STK32B: variants seen among roughly 807,000 people sequenced by gnomAD.
The protein encoded by STK32B is serine/threonine kinase 32B, also known as serine/threonine-protein kinase 32B.
STK32B carries 43 observed loss-of-function variants against 52.6 expected under a neutral mutation model. The ratio of observed to expected loss-of-function variants is 0.82; its 90% CI spans 0.64 to 1.05. STK32B has a LOEUF of 1.05. Ranked by LOEUF, STK32B falls within the 50% of genes least tolerant of loss-of-function variation. The pLI is 0.00. For synonymous variants in STK32B, 238 were observed against 204.3 expected, an observed-to-expected ratio of 1.17 and a Z score of -1.41; for missense variants, 621 against 534.6, an observed-to-expected ratio of 1.16 and a Z score of -1.59.
chr4:5,335,857 T>A lies in STK32B; in HGVS notation c.434+4464T>A, dbSNP rs186011833. Among the ~76,000 whole-genome samples the A allele has an allele frequency of 1.9e-3, 287 of 152,074 alleles. 1 individual carries two copies. Among genetic ancestry groups the A allele is most frequent in the Non-Finnish European group, 3.4e-3 (234 of 68,006 alleles). ...TGATCTGAGAGACAGTTTGTTATAATTTCTATTCTTTTACATTTGCTGAGG... is the reference window on the plus strand; with the variant it reads ...TGATCTGAGAGACAGTTTGTTATAAATTCTATTCTTTTACATTTGCTGAGG... On this transcript the variant is annotated intron_variant, in intron 4 of 11. Coordinates refer to ENST00000282908, the MANE Select transcript of STK32B (RefSeq NM_018401.3).
At chr4:5,369,335 A>C (rs550892778) in intron 4 of STK32B, among the ~76,000 whole-genome samples, 1 of 151,954 alleles carries the variant, frequency 6.6e-6, no homozygotes, top group Non-Finnish European at 1.5e-5. Flanking sequence ...TACATGAGAG[A>C]GACATAAATT....
intron 3 of STK32B, among the ~76,000 whole-genome samples, chr4:5,315,145 A>T (rs939140673): frequency 2.0e-5 from 3 of 152,204 alleles, no homozygotes; most frequent in African/African-American, 7.2e-5. Flanking sequence ...TTTTAATCCA[A>T]TTAAAAAATG....
At chr4:5,109,594 G>C (rs1714284021) in intron 1 of STK32B, among the ~76,000 whole-genome samples, 1 of 152,152 alleles carries the variant, frequency 6.6e-6, no homozygotes. Flanking sequence ...TCCATGATAA[G>C]AGCCCTCAAC....
At position 5,058,942 on chromosome 4, in the gene STK32B, G is replaced by A. The variant is rs1742111485; in HGVS notation, c.52+7027G>A. Reference sequence around the variant, plus strand: ...ATTTTTGTATTTTTGGTAGAGATGGGGTTTCACCATGTTGGCCAGGCTGGT... The same window carrying A: ...ATTTTTGTATTTTTGGTAGAGATGGAGTTTCACCATGTTGGCCAGGCTGGT... On this transcript the variant is annotated intron_variant, in intron 1 of 11. Transcript: ENST00000282908. This position sits in a 1 kb window ranked among gnomAD's most constrained non-coding sequence, Gnocchi z 4.8. Among the ~76,000 whole-genome samples the A allele has an allele frequency of 6.6e-6, 1 of 151,558 alleles. No homozygotes were observed. The highest frequency in any genetic ancestry group is 1.5e-5 in the Non-Finnish European group (1 of 67,948).
chr4:5,485,623 C>T (rs1277700406), intron 11 of STK32B, among the ~76,000 whole-genome samples: 6 of 152,210 alleles, frequency 3.9e-5, no homozygotes, highest in Non-Finnish European at 8.8e-5. Flanking sequence ...TGTTCCGTTG[C>T]TGGTGAGGAG....
At chr4:5,028,888 G>C in the STK32B span, among the ~76,000 whole-genome samples, 12 of 152,218 alleles carry the variant, frequency 7.9e-5, no homozygotes, top group Admixed American at 1.3e-4. Flanking sequence ...CAGGAAGCAT[G>C]ATGCTGCCAT....
chr4:5,032,386 T>C, the STK32B span, among the ~76,000 whole-genome samples: 3 of 147,816 alleles, frequency 2.0e-5, no homozygotes, highest in African/African-American at 7.5e-5. Flanking sequence ...GGTGGGAGAA[T>C]TGCTTCAACC....
chr4:5,220,591 T>C (rs752279333), intron 3 of STK32B, among the ~76,000 whole-genome samples: 6 of 152,132 alleles, frequency 3.9e-5, no homozygotes, highest in African/African-American at 1.4e-4. Flanking sequence ...ATGACTAGAA[T>C]TGAGGCTGGA....
intron 4 of STK32B, among the ~76,000 whole-genome samples, chr4:5,366,739 T>C (rs1386086819): frequency 6.6e-6 from 1 of 152,236 alleles, no homozygotes; most frequent in Non-Finnish European, 1.5e-5. Flanking sequence ...TTGTCTTTGT[T>C]GAGCTTGATG....
At chr4:5,300,280 C>T (rs576224771) in intron 3 of STK32B, among the ~76,000 whole-genome samples, 5 of 152,170 alleles carry the variant, frequency 3.3e-5, no homozygotes, top group South Asian at 2.1e-4. Context: ...AAGAACACAC[C>T]TCAAAATAAT....
chr4:5,370,540 T>A (rs920515272), intron 4 of STK32B, among the ~76,000 whole-genome samples: 1 of 152,126 alleles, frequency 6.6e-6, no homozygotes, highest in Non-Finnish European at 1.5e-5. Flanking sequence ...TAAAAGAAGC[T>A]TCTGGGCTTG....
chr4:5,132,799 T>A (rs1038293993), intron 1 of STK32B, among the ~76,000 whole-genome samples: 5 of 148,050 alleles, frequency 3.4e-5, no homozygotes, highest in African/African-American at 1.2e-4. Flanking sequence ...ATTTACCACT[T>A]TTTTTTTTTT....
intron 4 of STK32B, among the ~76,000 whole-genome samples, chr4:5,364,667 A>C (rs947930454): frequency 6.6e-6 from 1 of 152,166 alleles, no homozygotes. Context: ...CCCCAGGGAC[A>C]GCCCCTCTAG....
At chr4:5,125,031 G>C (rs898622621) in intron 1 of STK32B, among the ~76,000 whole-genome samples, 12 of 152,196 alleles carry the variant, frequency 7.9e-5, no homozygotes, top group African/African-American at 2.7e-4. Context: ...AGAGGGATTT[G>C]TTGCAGTATA....
intron 11 of STK32B, among the ~76,000 whole-genome samples, chr4:5,498,684 G>A (rs1720485182): frequency 6.6e-6 from 1 of 152,194 alleles, no homozygotes; most frequent in Non-Finnish European, 1.5e-5. Context: ...ATACAAGATG[G>A]GAATTATTAT....
At chr4:5,458,603 A>T (rs753271833) in intron 8 of STK32B, 1 of 152,238 alleles carries the variant, frequency 6.6e-6, no homozygotes, top group Non-Finnish European at 1.5e-5. Context: ...TGAATTATTA[A>T]TCTGTTAAAT....
Position 5,380,535 on chromosome 4 carries a change from C to A in STK32B, c.435-17672C>A, listed in dbSNP as rs1220431204. On this transcript the variant is annotated intron_variant, in intron 4 of 11. Transcript: ENST00000282908. This position sits in a 1 kb window ranked among gnomAD's most constrained non-coding sequence, Gnocchi z 4.3. Reference sequence around the variant, plus strand: ...CTTGAGCCAGCAACTTCTTGCTAAGCCCCTGATGGTGTGCAAAGCAGGAAG... The same window carrying A: ...CTTGAGCCAGCAACTTCTTGCTAAGACCCTGATGGTGTGCAAAGCAGGAAG... Among the ~76,000 whole-genome samples, 3 of 152,294 alleles carry A rather than the reference C, an allele frequency of 2.0e-5. No individual in the cohort carries two copies. Among genetic ancestry groups the A allele is most frequent in the East Asian group, 3.9e-4 (2 of 5,172 alleles).
chr4:5,167,404 G>A (rs1718964121), intron 2 of STK32B, among the ~76,000 whole-genome samples: 1 of 152,224 alleles, frequency 6.6e-6, no homozygotes, highest in South Asian at 2.1e-4. Context: ...CTGACCTGCA[G>A]TAAAGTGCTC....
intron 1 of STK32B, among the ~76,000 whole-genome samples, chr4:5,096,640 A>G (rs545657085): frequency 2.6e-5 from 4 of 152,258 alleles, no homozygotes; most frequent in African/African-American, 9.6e-5. Context: ...TTTCTTTGCT[A>G]ATTCTTAAGA....
Sources: gnomAD v4.1 joint callset for allele counts (sites outside exome capture counted in the v4.1 genomes callset) on GRCh38, gnomAD v4.1.1 for gene constraint, Gnocchi (gnomAD v3.1) non-coding constraint, MANE v1.5 for transcripts, NCBI Gene and HGNC (gene_info 2026-07-23, HGNC 2026-07-21) for gene names.